Variants in SSRP1 observed in about 807,000 individuals in gnomAD.
The protein encoded by SSRP1 is FACT complex subunit SSRP1.
SSRP1 carries 21 observed loss-of-function variants against 84.4 expected under a neutral mutation model. The ratio of observed to expected loss-of-function variants is 0.25; its 90% CI spans 0.18 to 0.36. SSRP1 has a LOEUF of 0.36. SSRP1 is among the 10% of genes least tolerant of loss of function. SSRP1 has a pLI of 1.00. For synonymous variants in SSRP1, 319 were observed against 318.3 expected (o/e 1.00, Z -0.02); for missense variants, 519 against 900.8 (o/e 0.58, Z 5.43).
chr11:57,330,945 C>G lies in SSRP1; in HGVS notation c.1224-18G>C, dbSNP rs750572404. ...ACTCCTCCCTGTGAGGGGACATGCA[C>G]CATGTTACCAGAGAGGTAGTGCCAA... On this transcript the variant is annotated intron_variant, in intron 9 of 16. Transcript: ENST00000278412. The surrounding 1 kb of genome is among the most constrained non-coding windows in gnomAD (Gnocchi z 4.0). 25 of 1,613,716 alleles carry G rather than the reference C, an allele frequency of 1.5e-5. No homozygotes were observed. In the Admixed American group the frequency reaches 4.2e-4, roughly 27 times the overall value.
In SSRP1 at chr11:57,330,819, C is replaced by T. The variant is rs370814037; in HGVS notation, c.1296+36G>A. ...CACCCCTTTCTCCCCTATAGAAAGA[C>T]CAGGAGAGGGTCTCATCCTCCCCAC... On this transcript the variant is annotated intron_variant, in intron 10 of 16. Transcript: ENST00000278412. The surrounding 1 kb of genome is among the most constrained non-coding windows in gnomAD (Gnocchi z 4.0). 6.2e-7 allele frequency: 1 copy of T among 1,614,034 alleles called. No homozygotes were observed. Among genetic ancestry groups the T allele is most frequent in the East Asian group, 2.2e-5 (1 of 44,882 alleles).
In SSRP1 at chr11:57,334,525, G is replaced by A. The variant is rs1458046004; in HGVS notation, c.178C>T (p.His60Tyr). 1 of 1,614,208 alleles carries A rather than the reference G, an allele frequency of 6.2e-7. No homozygotes were observed. Among genetic ancestry groups the A allele is most frequent in the African/African-American group, 1.3e-5 (1 of 75,064 alleles). ...TTCTTTGTAAGCAGTTTAAGTCCAT[G>A]GCCCAGAGCAACACGGCGCCAGATA... ...EGIWRRVALG[H>Y]GLKLLTKNGH... The change falls in exon 3 of 17, where the codon CAT (histidine) becomes TAT (tyrosine). Residue 60 changes from histidine to tyrosine, a missense_variant. Physicochemically the swap from His to Tyr is moderately conservative, Grantham distance 83. This residue lies in a region of SSRP1 where 88 missense variants were observed against 122.0 expected (regional missense o/e 0.72). Transcript: ENST00000278412.
Position 57,328,278 on chromosome 11 carries a change from TC to T in SSRP1, c.1611+18del. ...CACCCACTGCACCACACACAGGCCCTCCCATCTACAGTCTGCACCTCCACAG... is the reference window on the plus strand; with the variant it reads ...CACCCACTGCACCACACACAGGCCCTCCATCTACAGTCTGCACCTCCACAG... On this transcript the variant is annotated intron_variant, in intron 13 of 16. Coordinates refer to ENST00000278412, the MANE Select transcript of SSRP1 (RefSeq NM_003146.3). 6.2e-7 allele frequency: 1 copy of T among 1,610,256 alleles called. No individual in the cohort carries two copies. Among genetic ancestry groups the T allele is most frequent in the Admixed American group, 1.7e-5 (1 of 59,872 alleles).
intron 13 of SSRP1, 76 bp from the exon 14 acceptor site, chr11:57,327,958 C>T: frequency 6.5e-7 from 1 of 1,543,454 alleles, no homozygotes; most frequent in Non-Finnish European, 8.8e-7. Context: ...ATTTAGATCA[C>T]TTAACTTGGA....
chr11:57,326,564 GC>G, intron 16 of SSRP1, 86 bp from the exon 17 acceptor site: 3 of 1,594,560 alleles, frequency 1.9e-6, no homozygotes, highest in Non-Finnish European at 2.6e-6. Context: ...ATTCCCTACC[GC>G]CCCCAACTAC....
In SSRP1 at chr11:57,335,355, G is replaced by C; in HGVS notation, c.-119-115C>G. ...GGATGTCTCAGGATTTCCTCTGCCT[G>C]GAAACCTACAGACGGACGCTGCAGT... On this transcript the variant is annotated intron_variant, in intron 1 of 16. Coordinates refer to ENST00000278412, the MANE Select transcript of SSRP1 (RefSeq NM_003146.3). The surrounding 1 kb of genome is among the most constrained non-coding windows in gnomAD (Gnocchi z 4.6). 1 of 511,798 alleles carries C rather than the reference G, an allele frequency of 2.0e-6. No individual in the cohort carries two copies. Among genetic ancestry groups the C allele is most frequent in the Non-Finnish European group, 3.6e-6 (1 of 278,844 alleles). The allele number at this position is 511,798 out of a possible 1,614,324, so 31.7% of individuals were successfully genotyped here.
rs753760699 is a variant in SSRP1, at chr11:57,327,503, G to C, written c.1794C>G (p.Arg598=). ...AGTCCCTCCTGGCATCCTCAGCCTT[G>C]CGATCCCACTCCTGTCTCACACACA... ...MSKEKKEEWD[R]KAEDARRDYE... Residue 598 remains arginine, a synonymous_variant, in exon 15 of 17, where the codon CGC becomes CGG. Transcript: ENST00000278412. The C allele has an allele frequency of 6.2e-7, 1 of 1,613,644 alleles. No individual in the cohort carries two copies. Among genetic ancestry groups the C allele is most frequent in the African/African-American group, 1.3e-5 (1 of 74,732 alleles).
At chr11:57,327,908 G>A (rs747178222) in intron 13 of SSRP1, 26 bp from the exon 14 acceptor site, 2 of 1,607,336 alleles carry the variant, frequency 1.2e-6, no homozygotes, top group Non-Finnish European at 1.7e-6. Context: ...AATGCCTTCA[G>A]CTATTTCCCA....
At chr11:57,327,069 G>T in intron 15 of SSRP1, 180 bp from the exon 16 acceptor site, 1 of 1,185,292 alleles carries the variant, frequency 8.4e-7, no homozygotes, top group African/African-American at 1.5e-5. Context: ...TACACCAGAA[G>T]AATCAGAGGG....
intron 3 of SSRP1, 137 bp from the exon 4 acceptor site, chr11:57,333,677 C>A (rs1224598797): frequency 3.1e-6 from 2 of 642,620 alleles, no homozygotes; most frequent in African/African-American, 3.6e-5. Flanking sequence ...ACTTAGCAAC[C>A]CAGCTCATGG....
At position 57,329,987 on chromosome 11, in the gene SSRP1, C is replaced by T. The variant is rs1489441937; in HGVS notation, c.1481+106G>A. 3 of 1,394,642 alleles carry T rather than the reference C, an allele frequency of 2.2e-6. No individual in the cohort carries two copies. In the East Asian group the frequency reaches 6.8e-5, roughly 32 times the overall value. 86.4% of individuals were successfully genotyped at this position (1,394,642 alleles called of 1,614,324 possible). A position where few individuals can be genotyped will look rare whatever the true frequency, so the allele number is the denominator to read the frequency against. On this transcript the variant is annotated intron_variant, in intron 12 of 16. Transcript: ENST00000278412. Reference sequence around the variant, plus strand: ...CCTCATTGGAGGTCACTCTCCCATTCTGGGTCAGTAGCTAATGCTGGGACC... The same window carrying T: ...CCTCATTGGAGGTCACTCTCCCATTTTGGGTCAGTAGCTAATGCTGGGACC...
chr11:57,335,479 G>T lies in SSRP1; in HGVS notation c.-119-239C>A, dbSNP rs1590614286. On this transcript the variant is annotated intron_variant, in intron 1 of 16. Coordinates refer to ENST00000278412, the MANE Select transcript of SSRP1 (RefSeq NM_003146.3). The surrounding 1 kb of genome is among the most constrained non-coding windows in gnomAD (Gnocchi z 4.6). ...CTCTGGCCGCTCCGGCGGGAGCCAT[G>T]GCAACGAGCAGCGGAACCCCAGGGT... 9.3e-6 allele frequency: 3 copies of T among 323,142 alleles called. No individual in the cohort carries two copies. The East Asian group carries it at 2.2e-4, about 24-fold the overall frequency. The allele number at this position is 323,142 out of a possible 1,614,324, so 20.0% of individuals were successfully genotyped here. A position where few individuals can be genotyped will look rare whatever the true frequency, so the allele number is the denominator to read the frequency against.
chr11:57,334,421 A>C, intron 3 of SSRP1, 42 bp downstream of exon 3: 1 of 1,597,162 alleles, frequency 6.3e-7, no homozygotes, highest in Non-Finnish European at 8.5e-7. Flanking sequence ...TAAAATAAGA[A>C]GATGCAGTAA....
At chr11:57,326,911 G>T (rs777206445) in intron 15 of SSRP1, 22 bp from the exon 16 acceptor site, 1 of 1,560,492 alleles carries the variant, frequency 6.4e-7, no homozygotes, top group South Asian at 1.2e-5. Context: ...AGAGGGAAGA[G>T]GAGCTGGGCC....
chr11:57,335,008 A>C lies in SSRP1; in HGVS notation c.54+60T>G. On this transcript the variant is annotated intron_variant, in intron 2 of 16. Transcript: ENST00000278412. This position sits in a 1 kb window ranked among gnomAD's most constrained non-coding sequence, Gnocchi z 4.6. ...TACCAAAGCAAGCTCTCATTAATGG[A>C]CAAAAACTCTACCCTCCTTCCTTCT... 1 of 1,595,536 alleles carries C rather than the reference A, an allele frequency of 6.3e-7. No homozygotes were observed.
chr11:57,330,826 AG>A lies in SSRP1; in HGVS notation c.1296+28del, dbSNP rs535371371. On this transcript the variant is annotated intron_variant, in intron 10 of 16. Transcript: ENST00000278412. The surrounding 1 kb of genome is among the most constrained non-coding windows in gnomAD (Gnocchi z 4.0). ...TTCTCCCCTATAGAAAGACCAGGAG[AG>A]GGTCTCATCCTCCCCACACAGAAGT... is the stretch of plus-strand genomic sequence containing the variant. 6.9e-5 allele frequency: 112 copies of A among 1,614,112 alleles called. No homozygotes were observed. In the African/African-American group the frequency reaches 1.4e-3, roughly 20 times the overall value.
chr11:57,333,203 G>A lies in SSRP1; in HGVS notation c.347-54C>T, dbSNP rs372955584. 308 of 1,545,036 alleles carry A rather than the reference G, an allele frequency of 2.0e-4. No individual in the cohort carries two copies. In the African/African-American group the frequency reaches 2.5e-3, roughly 13 times the overall value. On this transcript the variant is annotated intron_variant, in intron 4 of 16. Transcript: ENST00000278412. ...AGCTCCTCCCCTTAAGTCTGCATAA[G>A]CAATATTCCCACCAAACTGAGTTCC... is the stretch of plus-strand genomic sequence containing the variant.
In SSRP1 at chr11:57,331,857, T is replaced by C. The variant is rs1418337949; in HGVS notation, c.1034A>G (p.Tyr345Cys). The change falls in exon 9 of 17, where the codon TAC becomes TGC. Residue 345 changes from tyrosine to cysteine, a missense_variant. Physicochemically the swap from Tyr to Cys is radical, Grantham distance 194. Coordinates refer to ENST00000278412, the MANE Select transcript of SSRP1 (RefSeq NM_003146.3). ...GTAGAGCAGTCCTGAGCTTGCCTTG[T>C]AGGAACAGGTAATGCACTGGGCCCC... Reference protein sequence around the residue: ...HSGAQCITCSYKASSGLLYPL... With the variant: ...HSGAQCITCSCKASSGLLYPL... The C allele has an allele frequency of 1.2e-6, 2 of 1,613,630 alleles. No homozygotes were observed. The highest frequency in any genetic ancestry group is 4.5e-5 in the East Asian group (2 of 44,866).
Position 57,332,992 on chromosome 11 carries a change from T to C in SSRP1, c.504A>G (p.Pro168=). 29 of 1,613,718 alleles carry C rather than the reference T, an allele frequency of 1.8e-5. No individual in the cohort carries two copies. The highest frequency in any genetic ancestry group is 2.5e-5 in the Non-Finnish European group (29 of 1,179,750). ...VSLMEVRFYV[P]PTQEDGVDPV... ...GGTCCACACCATCCTCCTGGGTGGG[T>C]GGGACGTAGAAGCGCACCTCCATGA... is the stretch of plus-strand genomic sequence containing the variant. Residue 168 remains proline, a synonymous_variant, in exon 5 of 17, where the codon CCA becomes CCG. Coordinates refer to ENST00000278412, the MANE Select transcript of SSRP1 (RefSeq NM_003146.3). This position sits in a 1 kb window ranked among gnomAD's most constrained non-coding sequence, Gnocchi z 5.5.
Sources: gnomAD v4.1 joint callset for allele counts on GRCh38, gnomAD v4.1.1 for gene constraint, gnomAD v4.1.1 regional missense constraint, Gnocchi (gnomAD v3.1) non-coding constraint, MANE v1.5 for transcripts, NCBI Gene and HGNC (gene_info 2026-07-23, HGNC 2026-07-21) for gene names.